MAP4K4: variants seen among roughly 807,000 people sequenced by gnomAD.
MAP4K4 encodes the protein HPK/GCK-like kinase HGK.
In MAP4K4, 38 loss-of-function variants were observed where a neutral mutation model predicts 189.6. That is an observed-to-expected ratio of 0.20 (90% CI 0.15 to 0.26). MAP4K4 has a LOEUF of 0.26. Among genes scored for constraint, MAP4K4 ranks in the 10% least tolerant of loss-of-function variants. The pLI is 1.00. For missense variants in MAP4K4, 1,054 were observed against 1,726.9 expected (o/e 0.61, Z 6.91); for synonymous variants, 610 against 624.3 (o/e 0.98, Z 0.34).
chr2:101,850,500 A>G (rs770841216), intron 12 of MAP4K4, among the ~76,000 whole-genome samples: 34 of 152,254 alleles, frequency 2.2e-4, no homozygotes, highest in Middle Eastern at 3.4e-3. Flanking sequence ...AATAACAACC[A>G]TTTTCTCACT....
chr2:101,745,447 A>AAAG (rs1270647504), intron 2 of MAP4K4, among the ~76,000 whole-genome samples: 9 of 137,656 alleles, frequency 6.5e-5, no homozygotes, highest in South Asian at 2.8e-4. Context: ...GTAAAAAAAA[A>AAAG]AAAAAAAAAA....
intron 3 of MAP4K4, among the ~76,000 whole-genome samples, chr2:101,794,057 G>T (rs187122745): frequency 1.3e-5 from 2 of 152,244 alleles, no homozygotes; most frequent in East Asian, 3.9e-4. Flanking sequence ...ACTATCCTTA[G>T]GATTTTGAAA....
intron 12 of MAP4K4, among the ~76,000 whole-genome samples, chr2:101,853,731 T>C (rs10195914): frequency 0.1 from 15,337 of 152,002 alleles, 1,335 homozygotes; most frequent in African/African-American, 0.24. Context: ...TACATACATA[T>C]ATACATACAT....
At chr2:101,798,747 A>G (rs2094065194) in intron 3 of MAP4K4, among the ~76,000 whole-genome samples, 1 of 152,222 alleles carries the variant, frequency 6.6e-6, no homozygotes, top group Admixed American at 6.5e-5. Context: ...TGGTGGTTGC[A>G]TGAGTTCCGT....
chr2:101,744,856 G>T (rs1306946416), intron 2 of MAP4K4, among the ~76,000 whole-genome samples: 3 of 152,152 alleles, frequency 2.0e-5, no homozygotes, highest in Admixed American at 6.5e-5. Context: ...GGCTGGAAAT[G>T]AGTTATTCTG....
At chr2:101,859,165 A>G in intron 14 of MAP4K4, 83 bp downstream of exon 14, 1 of 1,324,618 alleles carries the variant, frequency 7.5e-7, no homozygotes, top group Non-Finnish European at 1.1e-6. Flanking sequence ...GGTGGTCACC[A>G]GACCATTTTG....
chr2:101,708,416 T>C lies in MAP4K4; in HGVS notation c.123+9878T>C, dbSNP rs1313967033. Among the ~76,000 whole-genome samples, 3 of 152,178 alleles carry C rather than the reference T, an allele frequency of 2.0e-5. No individual in the cohort carries two copies. In the East Asian group the frequency reaches 5.8e-4, roughly 29 times the overall value. On this transcript the variant is annotated intron_variant, in intron 2 of 32. Coordinates refer to ENST00000324219, the Ensembl canonical transcript of MAP4K4. ...AAGCAGTGCGTAACCTCTGTGACCT[T>C]ACTGTGTGACCTCTGTCAGAGATAC...
At chr2:101,869,100 C>T (rs1016040215) in intron 21 of MAP4K4, among the ~76,000 whole-genome samples, 1 of 151,736 alleles carries the variant, frequency 6.6e-6, no homozygotes, top group African/African-American at 2.4e-5. Context: ...ACTAAAATTT[C>T]ATAAATATCC....
chr2:101,869,887 G>A (rs1559272593), intron 22 of MAP4K4, 90 bp downstream of exon 22: 11 of 1,433,210 alleles, frequency 7.7e-6, no homozygotes, highest in Non-Finnish European at 7.4e-6. Flanking sequence ...ACTATTCCGT[G>A]ACCCCATGAG....
chr2:101,787,265 G>T (rs958378861), intron 2 of MAP4K4, among the ~76,000 whole-genome samples: 4 of 152,200 alleles, frequency 2.6e-5, no homozygotes, highest in Non-Finnish European at 5.9e-5. Flanking sequence ...TAGGCTGGAT[G>T]AAGCAGCCCT....
At chr2:101,845,993 T>C (rs1195566008) in intron 12 of MAP4K4, among the ~76,000 whole-genome samples, 1 of 152,208 alleles carries the variant, frequency 6.6e-6, no homozygotes, top group African/African-American at 2.4e-5. Context: ...TTTCATTCAC[T>C]TTGTGTATTT....
At chr2:101,807,661 T>C (rs2095082787) in intron 3 of MAP4K4, among the ~76,000 whole-genome samples, 1 of 152,236 alleles carries the variant, frequency 6.6e-6, no homozygotes, top group Admixed American at 6.5e-5. Context: ...GGAAACATAG[T>C]GGCTTCTGCT....
intron 3 of MAP4K4, among the ~76,000 whole-genome samples, chr2:101,804,168 A>G (rs1413280272): frequency 7.2e-5 from 11 of 152,104 alleles, no homozygotes; most frequent in Non-Finnish European, 2.9e-5. Context: ...CTCTCCCTTG[A>G]TTTTTAACTC....
At chr2:101,768,309 A>G (rs529408852) in intron 2 of MAP4K4, among the ~76,000 whole-genome samples, 1 of 152,322 alleles carries the variant, frequency 6.6e-6, no homozygotes, top group Non-Finnish European at 1.5e-5. Context: ...GAGCATCGTG[A>G]TATTTAATAT....
chr2:101,755,350 A>AG, intron 2 of MAP4K4, among the ~76,000 whole-genome samples: 2 of 152,294 alleles, frequency 1.3e-5, no homozygotes, highest in East Asian at 3.9e-4. Context: ...AACTGCTTAA[A>AG]TACAGCAAAG....
intron 12 of MAP4K4, among the ~76,000 whole-genome samples, chr2:101,852,676 A>G (rs1341622758): frequency 6.6e-6 from 1 of 152,188 alleles, no homozygotes; most frequent in Non-Finnish European, 1.5e-5. Flanking sequence ...AGTTGAATAA[A>G]ATGTAATTAT....
chr2:101,705,277 C>T (rs1005462346), intron 2 of MAP4K4, among the ~76,000 whole-genome samples: 3 of 152,034 alleles, frequency 2.0e-5, no homozygotes, highest in Non-Finnish European at 2.9e-5. Flanking sequence ...TAAATGAAGC[C>T]GATGATATAT....
chr2:101,878,395 C>T (rs2098276525), intron 27 of MAP4K4, among the ~76,000 whole-genome samples: 1 of 152,190 alleles, frequency 6.6e-6, no homozygotes, highest in Non-Finnish European at 1.5e-5. Flanking sequence ...CAACCTCTTT[C>T]CTGAAGTTAG....
At chr2:101,725,445 C>T (rs890578046) in intron 2 of MAP4K4, among the ~76,000 whole-genome samples, 2 of 149,092 alleles carry the variant, frequency 1.3e-5, no homozygotes, top group African/African-American at 2.5e-5. Flanking sequence ...GTTTTGTTTT[C>T]TGAAATCATT....
Sources: gnomAD v4.1 joint callset for allele counts (sites outside exome capture counted in the v4.1 genomes callset) on GRCh38, gnomAD v4.1.1 for gene constraint, MANE v1.5 for transcripts, NCBI Gene and HGNC (gene_info 2026-07-23, HGNC 2026-07-21) for gene names.